C3orf20: variants seen among roughly 807,000 people sequenced by gnomAD.
C3orf20 encodes family with sequence similarity 149 member C, also known as uncharacterized protein C3orf20.
Under a neutral mutation model 88.3 loss-of-function variants are expected in C3orf20, and 76 were observed. The ratio of observed to expected loss-of-function variants is 0.86; its 90% confidence interval spans 0.72 to 1.04. The LOEUF (loss-of-function observed/expected upper bound fraction) is 1.04, where lower values mean the gene tolerates loss of function less well. Ranked by LOEUF, C3orf20 falls within the 50% of genes least tolerant of loss-of-function variation. The pLI is 0.00. For missense variants in C3orf20, 1,056 were observed against 1,123.3 expected (o/e 0.94, Z 0.86); for synonymous variants, 436 against 437.4 (o/e 1.00, Z 0.04).
chr3:14,746,789 A>G (rs944493553), intron 12 of C3orf20, among the ~76,000 whole-genome samples: 2 of 152,242 alleles, frequency 1.3e-5, no homozygotes, highest in African/African-American at 4.8e-5. Flanking sequence ...ATCCATGGGC[A>G]TTAAGCAATC....
intron 7 of C3orf20, among the ~76,000 whole-genome samples, chr3:14,706,454 TGGGCTTGTGTATGATTAGAGCACAGCA>T (rs1415868808): frequency 1.3e-5 from 2 of 151,868 alleles, no homozygotes; most frequent in African/African-American, 4.8e-5. Context: ...GAAAGGAGGG[TGGGCTTGTGTATGATTAGAGCACAGCA>T]CCCTAGCCTG....
intron 7 of C3orf20, among the ~76,000 whole-genome samples, chr3:14,712,256 A>T (rs907649010): frequency 1.3e-5 from 2 of 152,116 alleles, no homozygotes; most frequent in Non-Finnish European, 2.9e-5. Context: ...GATTGAAATG[A>T]TGCATGTACA....
At chr3:14,695,794 G>T (rs1402698189) in intron 5 of C3orf20, among the ~76,000 whole-genome samples, 2 of 152,056 alleles carry the variant, frequency 1.3e-5, no homozygotes, top group African/African-American at 4.8e-5. Context: ...TTTTGTCTAA[G>T]TATAGCTACT....
intron 6 of C3orf20, 119 bp from the exon 7 acceptor site, chr3:14,704,218 G>A: frequency 1.9e-6 from 2 of 1,056,566 alleles, no homozygotes; most frequent in South Asian, 1.6e-5. Context: ...TTGGGGATGT[G>A]TACTTTGGGG....
intron 5 of C3orf20, among the ~76,000 whole-genome samples, chr3:14,702,315 C>G (rs755625983): frequency 2.0e-5 from 3 of 152,158 alleles, no homozygotes; most frequent in Non-Finnish European, 4.4e-5. Flanking sequence ...ATTACCTCCC[C>G]CTGGGTCCCT....
intron 9 of C3orf20, 60 bp downstream of exon 9, chr3:14,715,469 G>A: frequency 6.4e-7 from 1 of 1,567,588 alleles, no homozygotes. Flanking sequence ...GGAGGGTCTG[G>A]GCATCCTGCC....
intron 12 of C3orf20, among the ~76,000 whole-genome samples, chr3:14,732,572 A>G (rs1168849279): frequency 6.6e-6 from 1 of 151,894 alleles, no homozygotes; most frequent in African/African-American, 2.4e-5. Flanking sequence ...TCAACCAGAG[A>G]TGAGTTTGCC....
At chr3:14,740,318 G>A (rs940034512) in intron 12 of C3orf20, among the ~76,000 whole-genome samples, 3 of 152,112 alleles carry the variant, frequency 2.0e-5, no homozygotes, top group African/African-American at 7.2e-5. Context: ...AGAGAAACAG[G>A]GGAATGGCTG....
At chr3:14,684,411 A>G (rs1365380749) in intron 4 of C3orf20, 29 bp downstream of exon 4, 1 of 1,607,778 alleles carries the variant, frequency 6.2e-7, no homozygotes, top group South Asian at 1.1e-5. Flanking sequence ...ACCCTTAGGT[A>G]AGAAGTGCAA....
chr3:14,721,785 G>A lies in C3orf20; in HGVS notation c.1566+1G>A. ...CCATGGAATGGCATATGACAAACGG[G>A]TAAGGCAAGGCAGACTATGCACCCA... On this transcript the variant is annotated splice_donor_variant, in intron 10 of 16. Coordinates refer to ENST00000253697, the MANE Select transcript of C3orf20 (RefSeq NM_032137.5). LOFTEE classifies it high-confidence loss of function. The A allele has an allele frequency of 6.2e-7, 1 of 1,614,116 alleles. No homozygotes were observed. The highest frequency in any genetic ancestry group is 1.6e-4 in the Middle Eastern group (1 of 6,062).
At position 14,701,952 on chromosome 3, in the gene C3orf20, C is replaced by T. The variant is rs1285669291; in HGVS notation, c.746-1178C>T. 6.6e-6 allele frequency among the ~76,000 whole-genome samples: 1 copy of T among 152,128 alleles called. No homozygotes were observed. The highest frequency in any genetic ancestry group is 1.5e-5 in the Non-Finnish European group (1 of 68,032). On this transcript the variant is annotated intron_variant, in intron 5 of 16. Coordinates refer to ENST00000253697, the MANE Select transcript of C3orf20 (RefSeq NM_032137.5). This position sits in a 1 kb window ranked among gnomAD's most constrained non-coding sequence, Gnocchi z 4.6. ...ATTCCTGGTGAGCATCAATGATACC[C>T]CCAATATTCTGACATTTAAAGGATG...
At chr3:14,718,330 AATAAT>A (rs1249898792) in intron 9 of C3orf20, among the ~76,000 whole-genome samples, 1 of 152,156 alleles carries the variant, frequency 6.6e-6, no homozygotes, top group African/African-American at 2.4e-5. Flanking sequence ...CTATTATGAT[AATAAT>A]ATAATAATTT....
chr3:14,704,285 T>C (rs2033403510), intron 6 of C3orf20, 52 bp from the exon 7 acceptor site: 10 of 1,589,140 alleles, frequency 6.3e-6, no homozygotes, highest in South Asian at 1.1e-5. Context: ...AGAGCATCCC[T>C]GGTGCTTGAG....
chr3:14,735,927 G>T (rs2034694399), intron 12 of C3orf20, among the ~76,000 whole-genome samples: 1 of 152,072 alleles, frequency 6.6e-6, no homozygotes, highest in Non-Finnish European at 1.5e-5. Context: ...TTTATATTTA[G>T]ATTTGCCCAC....
intron 10 of C3orf20, among the ~76,000 whole-genome samples, chr3:14,723,875 G>C (rs1344008490): frequency 6.6e-6 from 1 of 151,522 alleles, no homozygotes; most frequent in African/African-American, 2.4e-5. Context: ...GCCCAGACTG[G>C]AGTGCAGTGG....
In C3orf20 at chr3:14,728,573, T is replaced by G; in HGVS notation, c.1825T>G (p.Ser609Ala). ...AGGAGAAAGTCTTTTACGATCTCAG[T>G]CAGGCCACCTGGAATCCTCAATTGC... is the stretch of plus-strand genomic sequence containing the variant. ...YSGESLLRSQ[S>A]GHLESSIAET... The change falls in exon 12 of 17, where the codon TCA becomes GCA. Residue 609 changes from serine to alanine, a missense_variant. Coordinates refer to ENST00000253697, the MANE Select transcript of C3orf20 (RefSeq NM_032137.5). The G allele has an allele frequency of 6.2e-7, 1 of 1,614,216 alleles. No individual in the cohort carries two copies.
At chr3:14,679,687 C>T (rs548802492) in intron 1 of C3orf20, among the ~76,000 whole-genome samples, 1 of 152,288 alleles carries the variant, frequency 6.6e-6, no homozygotes, top group South Asian at 2.1e-4. Context: ...AGGCAGTCTC[C>T]TTCAAACAGA....
chr3:14,750,167 T>C (rs1428604163), intron 12 of C3orf20, among the ~76,000 whole-genome samples: 1 of 152,220 alleles, frequency 6.6e-6, no homozygotes, highest in Non-Finnish European at 1.5e-5. Context: ...GGTGCAGGCC[T>C]ACCAGGAACA....
intron 12 of C3orf20, among the ~76,000 whole-genome samples, chr3:14,752,945 C>T (rs2035261958): frequency 6.6e-6 from 1 of 152,130 alleles, no homozygotes; most frequent in African/African-American, 2.4e-5. Flanking sequence ...CCTTAAGGAT[C>T]TAGAACTAGA....
Sources: allele counts gnomAD v4.1 joint callset (sites outside exome capture counted in the v4.1 genomes callset), GRCh38; gene constraint gnomAD v4.1.1; non-coding constraint Gnocchi (gnomAD v3.1); transcripts MANE v1.5; gene names NCBI Gene and HGNC (gene_info 2026-07-23, HGNC 2026-07-21).